The following TXNIP variants were observed in gnomAD, a reference collection of about 807,000 sequenced individuals.
TXNIP encodes the protein thioredoxin interacting protein.
In TXNIP, 23 loss-of-function variants were observed where a neutral mutation model predicts 43.9. That is an observed-to-expected ratio of 0.52 (90% CI 0.38 to 0.74). TXNIP has a LOEUF of 0.74. TXNIP is among the 30% of genes least tolerant of loss of function. TXNIP has a pLI of 0.00. For synonymous variants in TXNIP, 234 were observed against 172.2 expected (o/e 1.36, Z -2.81); for missense variants, 555 against 485.4 (o/e 1.14, Z -1.35).
Position 145,992,880 on chromosome 1 carries a change from A to T in TXNIP, c.*971T>A, listed in dbSNP as rs1651219897. ...ACAGTGGGCAAGGCTGACAGCAGCA[A>T]CCCTTTCACATGATTTAAGCGTTAG... On this transcript the variant is annotated 3_prime_UTR_variant, in exon 8 of 8. Coordinates refer to ENST00000582401, the MANE Select transcript of TXNIP (RefSeq NM_006472.6). 6.6e-6 allele frequency: 1 copy of T among 152,664 alleles called. No individual in the cohort carries two copies. The highest frequency in any genetic ancestry group is 2.4e-5 in the African/African-American group (1 of 41,438). The allele number at this position is 152,664 out of a possible 1,614,324, so 9.5% of individuals were successfully genotyped here.
Position 145,994,057 on chromosome 1 carries a change from C to CA in TXNIP, c.1098dup (p.Ala367CysfsTer3). 6.2e-7 allele frequency: 1 copy of CA among 1,614,104 alleles called. No individual in the cohort carries two copies. Among genetic ancestry groups the CA allele is most frequent in the Non-Finnish European group, 8.5e-7 (1 of 1,180,030 alleles). On this transcript the variant is annotated frameshift_variant, in exon 7 of 8. Transcript: ENST00000582401. LOFTEE classifies it high-confidence loss of function. ...GGTGGCATGAACTTGAACTCAGGGG[C>CA]ATACATAAAGATAGGGCTGTCTTGA...
At position 145,994,077 on chromosome 1, in the gene TXNIP, T is replaced by C; in HGVS notation, c.1079A>G (p.Asp360Gly). Residue 360 changes from aspartate to glycine, a missense_variant, in exon 7 of 8, where the codon GAC becomes GGC. Asp to Gly is a moderately conservative substitution (Grantham distance 94). Transcript: ENST00000582401. ...AGGGGCATACATAAAGATAGGGCTG[T>C]CTTGAGAGCCATCCATGTCATCTAG... is the stretch of plus-strand genomic sequence containing the variant. Reference protein sequence around the residue: ...PLLDDMDGSQDSPIFMYAPEF... With the variant: ...PLLDDMDGSQGSPIFMYAPEF... 2 of 1,614,176 alleles carry C rather than the reference T, an allele frequency of 1.2e-6. No individual in the cohort carries two copies. The highest frequency in any genetic ancestry group is 2.2e-5 in the South Asian group (2 of 91,084).
In TXNIP at chr1:145,996,230, C is replaced by G; in HGVS notation, c.37G>C (p.Val13Leu). 6.2e-7 allele frequency: 1 copy of G among 1,613,980 alleles called. No homozygotes were observed. The highest frequency in any genetic ancestry group is 1.1e-5 in the South Asian group (1 of 91,078). ...MFKKIKSFEV[V>L]FNDPEKVYGS... ...TACACCTTTTCAGGGTCGTTAAAGA[C>G]CACCTCAAAAGACTTGATCTTCTTG... The change falls in exon 1 of 8, where the codon GTC becomes CTC. Residue 13 changes from valine (V) to leucine (L), a missense_variant. Physicochemically the swap from Val to Leu is conservative, Grantham distance 32. Coordinates refer to ENST00000582401, the MANE Select transcript of TXNIP (RefSeq NM_006472.6).
chr1:145,994,247 CA>C, intron 6 of TXNIP, 33 bp downstream of exon 6: 1 of 1,613,066 alleles, frequency 6.2e-7, no homozygotes, highest in Non-Finnish European at 8.5e-7. Context: ...CCAGGTAGAC[CA>C]GAAACAAAGA....
chr1:145,993,839 T>G lies in TXNIP; in HGVS notation c.*12A>C, dbSNP rs1378865015. ...AACAAGTAGGTAAAGCTGCTTCTTT[T>G]CTTCCACATGCTCACTGCACATTGT... On this transcript the variant is annotated 3_prime_UTR_variant, in exon 8 of 8. Transcript: ENST00000582401. 5.0e-6 allele frequency: 8 copies of G among 1,613,988 alleles called. No homozygotes were observed. Among genetic ancestry groups the G allele is most frequent in the Non-Finnish European group, 6.8e-6 (8 of 1,180,006 alleles).
In TXNIP at chr1:145,993,822, G is replaced by C. The variant is rs371598136; in HGVS notation, c.*29C>G. 6.2e-7 allele frequency: 1 copy of C among 1,613,562 alleles called. No individual in the cohort carries two copies. Among genetic ancestry groups the C allele is most frequent in the South Asian group, 1.1e-5 (1 of 91,016 alleles). On this transcript the variant is annotated 3_prime_UTR_variant, in exon 8 of 8. Coordinates refer to ENST00000582401, the MANE Select transcript of TXNIP (RefSeq NM_006472.6). The stretch of plus-strand genomic sequence containing the variant: ...GAAGAGAGACAAAAAGAAACAAGTA[G>C]GTAAAGCTGCTTCTTTTCTTCCACA...
chr1:145,996,512 C>T lies in TXNIP; in HGVS notation c.-246G>A, dbSNP rs1456314652. The T allele has an allele frequency of 7.7e-6, 3 of 391,906 alleles. No individual in the cohort carries two copies. The highest frequency in any genetic ancestry group is 1.4e-5 in the Non-Finnish European group (3 of 216,270). 24.3% of individuals were successfully genotyped at this position (391,906 alleles called of 1,614,324 possible). ...CTAATTCAGAGAAAAAGCCTTCTTT[C>T]CCCCAATTGCTGGAGAAAAGATCCG... On this transcript the variant is annotated 5_prime_UTR_variant, in exon 1 of 8. Coordinates refer to ENST00000582401, the MANE Select transcript of TXNIP (RefSeq NM_006472.6).
rs782198975 is a variant in TXNIP, at chr1:145,995,186, A to G, written c.429T>C (p.Phe143=). Residue 143 remains phenylalanine (F), a synonymous_variant, in exon 3 of 8, where the codon TTT becomes TTC. Transcript: ENST00000582401. ...TGACATCCACCAGATCCACTACTTC[A>G]AAGTTTTTCTTTGTCTCTTGAGTTG... ...SQPTQETKKN[F]EVVDLVDVNT... 2.5e-6 allele frequency: 4 copies of G among 1,614,036 alleles called. No homozygotes were observed. The highest frequency in any genetic ancestry group is 1.7e-5 in the Admixed American group (1 of 59,994).
intron 7 of TXNIP, 45 bp from the exon 8 acceptor site, chr1:145,993,931 G>A: frequency 1.2e-6 from 2 of 1,613,876 alleles, no homozygotes; most frequent in Non-Finnish European, 8.5e-7. Context: ...AGAACAAAAA[G>A]AACAAACCAG....
At position 145,995,768 on chromosome 1, in the gene TXNIP, C is replaced by CT; in HGVS notation, c.250+248dup. The CT allele has an allele frequency of 4.9e-6, 3 of 616,016 alleles. No homozygotes were observed. The South Asian group carries it at 6.2e-5, about 13-fold the overall frequency. 38.2% of individuals were successfully genotyped at this position (616,016 alleles called of 1,614,324 possible). A position where few individuals can be genotyped will look rare whatever the true frequency, so the allele number is the denominator to read the frequency against. Reference sequence around the variant, plus strand: ...ATAAGCAACTTATGCACACATAAGACTTTAACTACCCGAGGCAACGCCCCT... The same window carrying CT: ...ATAAGCAACTTATGCACACATAAGACTTTTAACTACCCGAGGCAACGCCCCT... On this transcript the variant is annotated intron_variant, in intron 1 of 7. Transcript: ENST00000582401.
At chr1:145,994,494 T>C (rs782096820) in intron 5 of TXNIP, 50 bp downstream of exon 5, 1 of 1,613,104 alleles carries the variant, frequency 6.2e-7, no homozygotes, top group African/African-American at 1.3e-5. Flanking sequence ...AAGACAGCTG[T>C]GGTAACAGAT....
At chr1:145,995,573 A>T in intron 1 of TXNIP, 97 bp from the exon 2 acceptor site, 2 of 1,049,532 alleles carry the variant, frequency 1.9e-6, no homozygotes, top group Non-Finnish European at 3.0e-6. Flanking sequence ...CAAGGTATTG[A>T]AGTACCCCCA....
rs1406774368 is a variant in TXNIP at position 145,993,793 on chromosome 1, C to T, written c.*58G>A. 19 of 1,602,684 alleles carry T rather than the reference C, an allele frequency of 1.2e-5. No individual in the cohort carries two copies. The highest frequency in any genetic ancestry group is 1.5e-5 in the Non-Finnish European group (18 of 1,171,564). On this transcript the variant is annotated 3_prime_UTR_variant, in exon 8 of 8. Transcript: ENST00000582401. Reference sequence around the variant, plus strand: ...GTTGAGTCTCTGAAAAAGTGAGTGTCCAGGAAGAGAGACAAAAAGAAACAA... The same window carrying T: ...GTTGAGTCTCTGAAAAAGTGAGTGTTCAGGAAGAGAGACAAAAAGAAACAA...
rs991168978 is a variant in TXNIP at position 145,995,502 on chromosome 1, C to T, written c.251-26G>A. 5.0e-6 allele frequency: 8 copies of T among 1,610,518 alleles called. No homozygotes were observed. In the East Asian group the frequency reaches 1.3e-4, roughly 27 times the overall value. On this transcript the variant is annotated intron_variant, in intron 1 of 7. Coordinates refer to ENST00000582401, the MANE Select transcript of TXNIP (RefSeq NM_006472.6). ...CTGAAGGGAAAGAAAATCGAGTAGC[C>T]ATTAGGCTTGCTGTTACACTTAAAA...
intron 3 of TXNIP, 42 bp downstream of exon 3, chr1:145,995,102 C>T (rs1247192938): frequency 3.7e-6 from 6 of 1,613,502 alleles, no homozygotes; most frequent in South Asian, 3.3e-5. Context: ...GATTTATCAT[C>T]CTCATGACCC....
rs587725206 is a variant in TXNIP, at chr1:145,995,884, G to GA, written c.250+132dup. ...AGGAGAATGTCTGCAAATTAAAACA[G>GA]AAAAAAGGAAGCAACAACACGTAAT... On this transcript the variant is annotated intron_variant, in intron 1 of 7. Coordinates refer to ENST00000582401, the MANE Select transcript of TXNIP (RefSeq NM_006472.6). 7.2e-4 allele frequency: 831 copies of GA among 1,154,948 alleles called. 2 individuals carry two copies. In the African/African-American group the frequency reaches 0.011, roughly 15 times the overall value. The allele number at this position is 1,154,948 out of a possible 1,614,324, so 71.5% of individuals were successfully genotyped here. A position where few individuals can be genotyped will look rare whatever the true frequency, so the allele number is the denominator to read the frequency against.
In TXNIP at chr1:145,994,746, A is replaced by G. The variant is rs1056356971; in HGVS notation, c.629T>C (p.Val210Ala). 2 of 1,614,050 alleles carry G rather than the reference A, an allele frequency of 1.2e-6. No individual in the cohort carries two copies. Among genetic ancestry groups the G allele is most frequent in the Admixed American group, 3.3e-5 (2 of 59,982 alleles). ...GCGGGCCACAATGGCAGCTTTGGGG[A>G]CCACAATTCGGGAACATGTATTCTC... ...DFENTCSRIV[V>A]PKAAIVARHT... is the part of the protein sequence containing the mutation. The change falls in exon 5 of 8, where the codon GTC becomes GCC. Residue 210 changes from valine (V) to alanine (A), a missense_variant. Transcript: ENST00000582401.
chr1:145,996,189 C>A lies in TXNIP; in HGVS notation c.78G>T (p.Lys26Asn), dbSNP rs1365309909. The change falls in exon 1 of 8, where the codon AAG becomes AAT. Residue 26 changes from lysine (K) to asparagine (N), a missense_variant. Lys to Asn is a moderately conservative substitution (Grantham distance 94). Transcript: ENST00000582401. ...CCTCCACTATCACCCGGCCAGCCAC[C>A]TTCTCGCCACTGCCGTACACCTTTT... is the stretch of plus-strand genomic sequence containing the variant. Reference protein sequence around the residue: ...DPEKVYGSGEKVAGRVIVEVC... With the variant: ...DPEKVYGSGENVAGRVIVEVC... The A allele has an allele frequency of 6.2e-6, 10 of 1,614,096 alleles. No homozygotes were observed. Among genetic ancestry groups the A allele is most frequent in the Non-Finnish European group, 7.6e-6 (9 of 1,180,026 alleles).
chr1:145,994,037 C>A lies in TXNIP; in HGVS notation c.1119G>T (p.Met373Ile), dbSNP rs1651322925. Reference protein sequence around the residue: ...IFMYAPEFKFMPPPTYTEVDP... With the variant: ...IFMYAPEFKFIPPPTYTEVDP... ...TCACCTCAGTATAAGTCGGTGGTGG[C>A]ATGAACTTGAACTCAGGGGCATACA... The change falls in exon 7 of 8, where the codon ATG becomes ATT. Residue 373 changes from methionine (M) to isoleucine (I), a missense_variant. By Grantham distance (10) the Met-to-Ile change is conservative. Coordinates refer to ENST00000582401, the MANE Select transcript of TXNIP (RefSeq NM_006472.6). 1 of 1,614,008 alleles carries A rather than the reference C, an allele frequency of 6.2e-7. No homozygotes were observed. The highest frequency in any genetic ancestry group is 1.3e-5 in the African/African-American group (1 of 74,896).
Sources: gnomAD v4.1 joint callset for allele counts on GRCh38, gnomAD v4.1.1 for gene constraint, MANE v1.5 for transcripts, NCBI Gene and HGNC (gene_info 2026-07-23, HGNC 2026-07-21) for gene names.